Variants in SLC8A1 observed in about 807,000 individuals in gnomAD.
SLC8A1 encodes sodium/calcium exchanger 1.
A neutral mutation model predicts 68.3 loss-of-function variants in SLC8A1; 18 were observed. The ratio of observed to expected loss-of-function variants is 0.26; its 90% CI spans 0.18 to 0.39. SLC8A1 has a LOEUF of 0.39. Among genes scored for constraint, SLC8A1 ranks in the 10% least tolerant of loss-of-function variants. SLC8A1 has a pLI of 1.00. For synonymous variants in SLC8A1, 475 were observed against 415.5 expected (o/e 1.14, Z -1.74); for missense variants, 985 against 1,156.7 (o/e 0.85, Z 2.15).
intron 2 of SLC8A1, among the ~76,000 whole-genome samples, chr2:40,333,833 G>A (rs2149384032): frequency 6.6e-6 from 1 of 152,210 alleles, no homozygotes; most frequent in East Asian, 1.9e-4. Flanking sequence ...TGGATCTCTT[G>A]AGGTCAGGGG....
intron 2 of SLC8A1, among the ~76,000 whole-genome samples, chr2:40,257,095 C>T (rs2149077093): frequency 6.6e-6 from 1 of 152,024 alleles, no homozygotes; most frequent in East Asian, 1.9e-4. Flanking sequence ...GTATTTATTA[C>T]ATCTTATCAT....
chr2:40,311,328 G>C (rs909126920), intron 2 of SLC8A1, among the ~76,000 whole-genome samples: 46 of 151,746 alleles, frequency 3.0e-4, no homozygotes, highest in Non-Finnish European at 1.5e-4. Context: ...TTTTAAATCA[G>C]TTTCTTCTAG....
At chr2:40,489,741 A>G (rs1174781475) in intron 1 of SLC8A1, among the ~76,000 whole-genome samples, 3 of 152,074 alleles carry the variant, frequency 2.0e-5, no homozygotes, top group African/African-American at 7.2e-5. Context: ...CTTCAGCTCC[A>G]TCGAGAACCA....
intron 2 of SLC8A1, among the ~76,000 whole-genome samples, chr2:40,403,299 T>C (rs1689298292): frequency 6.6e-6 from 1 of 152,148 alleles, no homozygotes; most frequent in South Asian, 2.1e-4. Flanking sequence ...AGAAATAAAC[T>C]CTTAATTACT....
At chr2:40,196,601 A>G (rs1420895213) in intron 2 of SLC8A1, among the ~76,000 whole-genome samples, 5 of 152,032 alleles carry the variant, frequency 3.3e-5, no homozygotes, top group Non-Finnish European at 2.9e-5. Flanking sequence ...CTCCCCTAAT[A>G]TATCTAATGC....
At chr2:40,148,021 A>G (rs1404743669) in intron 6 of SLC8A1, among the ~76,000 whole-genome samples, 1 of 152,180 alleles carries the variant, frequency 6.6e-6, no homozygotes, top group Non-Finnish European at 1.5e-5. Context: ...CAATTACATG[A>G]CCCATGGTTT....
intron 2 of SLC8A1, among the ~76,000 whole-genome samples, chr2:40,347,213 C>T (rs1669641454): frequency 6.6e-6 from 1 of 152,202 alleles, no homozygotes; most frequent in African/African-American, 2.4e-5. Context: ...TAGCTCACTG[C>T]AGCCCCAAAC....
At chr2:40,311,043 T>C (rs953595734) in intron 2 of SLC8A1, among the ~76,000 whole-genome samples, 11 of 152,264 alleles carry the variant, frequency 7.2e-5, no homozygotes, top group African/African-American at 1.7e-4. Context: ...AGAGAAATAA[T>C]TTTTATTGGT....
At chr2:40,310,700 A>G (rs1356094624) in intron 2 of SLC8A1, among the ~76,000 whole-genome samples, 3 of 152,134 alleles carry the variant, frequency 2.0e-5, no homozygotes. Flanking sequence ...CCTCCCCTCA[A>G]GCTCACCAAC....
chr2:40,130,763 A>G (rs964012627), intron 7 of SLC8A1, among the ~76,000 whole-genome samples: 3 of 152,224 alleles, frequency 2.0e-5, no homozygotes, highest in African/African-American at 7.2e-5. Context: ...ATCCAATTAA[A>G]TATGTATGCA....
intron 1 of SLC8A1, among the ~76,000 whole-genome samples, chr2:40,486,366 A>G (rs1169967615): frequency 6.6e-6 from 1 of 152,236 alleles, no homozygotes; most frequent in Non-Finnish European, 1.5e-5. Flanking sequence ...ATGCTGTGAA[A>G]GAGAGTACTG....
chr2:40,206,422 C>T (rs935589741), intron 2 of SLC8A1, among the ~76,000 whole-genome samples: 6 of 152,078 alleles, frequency 3.9e-5, no homozygotes, highest in Non-Finnish European at 5.9e-5. Flanking sequence ...ACTCCTTACT[C>T]ATTTCTTGAT....
chr2:40,471,177 C>T (rs1389669078), intron 1 of SLC8A1, among the ~76,000 whole-genome samples: 1 of 152,184 alleles, frequency 6.6e-6, no homozygotes, highest in Non-Finnish European at 1.5e-5. Context: ...ATCTTTAGAA[C>T]CACCCTCTGA....
chr2:40,222,513 A>C (rs910219477), intron 2 of SLC8A1, among the ~76,000 whole-genome samples: 1 of 152,258 alleles, frequency 6.6e-6, no homozygotes, highest in Non-Finnish European at 1.5e-5. Flanking sequence ...AACAAAAGCC[A>C]AAATTGACAA....
intron 2 of SLC8A1, among the ~76,000 whole-genome samples, chr2:40,342,721 G>C (rs995668163): frequency 6.6e-6 from 1 of 152,124 alleles, no homozygotes; most frequent in Non-Finnish European, 1.5e-5. Context: ...CGATACTAAA[G>C]TCTCACACAA....
chr2:40,449,630 G>A (rs1450216879), intron 1 of SLC8A1, among the ~76,000 whole-genome samples: 1 of 151,828 alleles, frequency 6.6e-6, no homozygotes. Flanking sequence ...AGGGCTATGT[G>A]CTTAATCTGA....
chr2:40,142,466 A>G (rs1408707801), intron 6 of SLC8A1, among the ~76,000 whole-genome samples: 1 of 152,188 alleles, frequency 6.6e-6, no homozygotes. Context: ...TGAACATTTT[A>G]TAATTTCACA....
chr2:40,101,900 T>C lies in SLC8A1; in HGVS notation c.*13353A>G, dbSNP rs150156519. On this transcript the variant is annotated 3_prime_UTR_variant, in exon 8 of 8. Transcript: ENST00000406785. The stretch of plus-strand genomic sequence containing the variant: ...CTCAGGTGGGACTGGATAATTTGCA[T>C]GTCTAACAAATTTCCAGTTGCTGAT... The C allele has an allele frequency of 3.3e-5, 5 of 152,264 alleles. No homozygotes were observed. The East Asian group carries it at 9.7e-4, about 29-fold the overall frequency. 9.4% of individuals were successfully genotyped at this position (152,264 alleles called of 1,614,324 possible). A position where few individuals can be genotyped will look rare whatever the true frequency, so the allele number is the denominator to read the frequency against.
At chr2:40,307,726 A>C (rs372983160) in intron 2 of SLC8A1, among the ~76,000 whole-genome samples, 2 of 152,270 alleles carry the variant, frequency 1.3e-5, no homozygotes, top group African/African-American at 4.8e-5. Flanking sequence ...CACTTTGTTC[A>C]CAGACAGGAA....
Sources: allele counts gnomAD v4.1 joint callset (sites outside exome capture counted in the v4.1 genomes callset), GRCh38; gene constraint gnomAD v4.1.1; transcripts MANE v1.5; gene names NCBI Gene and HGNC (gene_info 2026-07-23, HGNC 2026-07-21).